Variants in PDE1C observed in about 807,000 individuals in gnomAD.
PDE1C encodes the protein dual specificity calcium/calmodulin-dependent 3',5'-cyclic nucleotide phosphodiesterase 1C.
A neutral mutation model predicts 93.1 loss-of-function variants in PDE1C; 62 were observed. The observed-to-expected ratio is 0.67, with a 90% CI of 0.54 to 0.82. PDE1C has a LOEUF of 0.82. Among genes scored for constraint, PDE1C ranks in the 40% least tolerant of loss-of-function variants. The pLI is 0.00. For missense variants in PDE1C, 742 were observed against 884.6 expected, an observed-to-expected ratio of 0.84 and a Z score of 2.04; for synonymous variants, 325 against 310.1, an observed-to-expected ratio of 1.05 and a Z score of -0.50.
At chr7:31,881,790 T>C (rs1186629721) in intron 2 of PDE1C, among the ~76,000 whole-genome samples, 2 of 152,176 alleles carry the variant, frequency 1.3e-5, no homozygotes, top group African/African-American at 4.8e-5. Context: ...ATTTCTAAAG[T>C]TGACCTAAAG....
intron 2 of PDE1C, among the ~76,000 whole-genome samples, chr7:31,998,719 A>G (rs926835362): frequency 6.6e-6 from 1 of 152,232 alleles, no homozygotes; most frequent in South Asian, 2.1e-4. Context: ...TCATTAACAC[A>G]AAAATTCTAA....
chr7:31,663,400 AG>A, the PDE1C span, among the ~76,000 whole-genome samples: 3 of 152,206 alleles, frequency 2.0e-5, no homozygotes, highest in African/African-American at 7.2e-5. Context: ...TCTGCTTTCC[AG>A]GGGCTCCTTT....
At chr7:32,124,708 G>A (rs1004595413) in intron 3 of PDE1C, among the ~76,000 whole-genome samples, 5 of 152,068 alleles carry the variant, frequency 3.3e-5, no homozygotes, top group South Asian at 2.1e-4. Flanking sequence ...TCCTTACACC[G>A]TATTCAAAAA....
intron 2 of PDE1C, among the ~76,000 whole-genome samples, chr7:31,967,814 C>T (rs1213697923): frequency 2.0e-5 from 3 of 152,162 alleles, no homozygotes; most frequent in Non-Finnish European, 4.4e-5. Context: ...ATACGCAAAT[C>T]AATAAACGTA....
chr7:32,184,006 T>C (rs1803653180), intron 2 of PDE1C, among the ~76,000 whole-genome samples: 1 of 152,178 alleles, frequency 6.6e-6, no homozygotes, highest in Admixed American at 6.5e-5. Context: ...CAGACACTTC[T>C]CAATAGAAGA....
intron 2 of PDE1C, among the ~76,000 whole-genome samples, chr7:31,930,539 C>T (rs1440925635): frequency 6.6e-6 from 1 of 152,036 alleles, no homozygotes; most frequent in Admixed American, 6.6e-5. Flanking sequence ...AAACCAGCAG[C>T]ATATCAAAAA....
At chr7:31,697,107 C>G in the PDE1C span, 1 of 1,613,852 alleles carries the variant, frequency 6.2e-7, no homozygotes, top group Non-Finnish European at 8.5e-7. Context: ...ACATGTCCCC[C>G]TTTGCAGCAG....
intron 7 of PDE1C, among the ~76,000 whole-genome samples, chr7:31,851,759 G>C (rs188078252): frequency 6.6e-6 from 1 of 152,306 alleles, no homozygotes; most frequent in Admixed American, 6.5e-5. Context: ...CACAAAATTG[G>C]AGTTGTTATT....
In PDE1C at chr7:32,113,314, A is replaced by G. The variant is rs1471164622; in HGVS notation, c.308+56471T>C. On this transcript the variant is annotated intron_variant, in intron 3 of 18. Coordinates refer to the PDE1C transcript ENST00000396193. Reference sequence around the variant, plus strand: ...ATATATATTTATTATGTTTACATATATAAATATTATATATATATATCTATC... The same window carrying G: ...ATATATATTTATTATGTTTACATATGTAAATATTATATATATATATCTATC... 5.0e-5 allele frequency among the ~76,000 whole-genome samples: 7 copies of G among 140,278 alleles called. No individual in the cohort carries two copies. The Admixed American group carries it at 5.1e-4, about 10-fold the overall frequency. 92.0% of individuals were successfully genotyped at this position (140,278 alleles called of 152,430 possible).
chr7:32,044,083 T>TA (rs993527638), intron 2 of PDE1C, among the ~76,000 whole-genome samples: 5 of 152,108 alleles, frequency 3.3e-5, no homozygotes, highest in Non-Finnish European at 5.9e-5. Flanking sequence ...ATTCCCCACT[T>TA]AAAAAAATCA....
At chr7:31,828,734 G>A (rs946272413) in intron 11 of PDE1C, among the ~76,000 whole-genome samples, 4 of 152,096 alleles carry the variant, frequency 2.6e-5, no homozygotes, top group Non-Finnish European at 4.4e-5. Flanking sequence ...TCAACCTGTG[G>A]CCATTGTTTA....
At chr7:31,698,153 T>C in the PDE1C span, among the ~76,000 whole-genome samples, 2 of 152,202 alleles carry the variant, frequency 1.3e-5, no homozygotes, top group African/African-American at 2.4e-5. Flanking sequence ...GGGGAGAAGA[T>C]AAAATTTGGC....
intron 2 of PDE1C, 117 bp from the exon 3 acceptor site, chr7:31,880,977 A>G: frequency 1.4e-6 from 1 of 691,958 alleles, no homozygotes. Context: ...ATACATCTGA[A>G]AGGAAAATAA....
At chr7:32,425,399 T>C (rs1194942382) in intron 1 of PDE1C, among the ~76,000 whole-genome samples, 1 of 152,094 alleles carries the variant, frequency 6.6e-6, no homozygotes, top group Non-Finnish European at 1.5e-5. Context: ...GATCAAAATA[T>C]AGAAATTGAA....
At chr7:32,024,695 C>T (rs538676623) in intron 2 of PDE1C, among the ~76,000 whole-genome samples, 179 of 152,180 alleles carry the variant, frequency 1.2e-3, no homozygotes, top group Middle Eastern at 6.8e-3. Context: ...ATCACTGAAC[C>T]ACTGACACAC....
intron 1 of PDE1C, among the ~76,000 whole-genome samples, chr7:32,243,906 A>C (rs1312303614): frequency 2.6e-5 from 4 of 152,202 alleles, no homozygotes; most frequent in Non-Finnish European, 4.4e-5. Flanking sequence ...CTGTAGAAAG[A>C]ATGAAGCACA....
intron 1 of PDE1C, among the ~76,000 whole-genome samples, chr7:32,413,659 T>C (rs983508806): frequency 5.3e-5 from 8 of 152,176 alleles, no homozygotes; most frequent in African/African-American, 1.9e-4. Flanking sequence ...TTGGAGATGG[T>C]TGTACAACAG....
intron 3 of PDE1C, among the ~76,000 whole-genome samples, chr7:32,134,931 A>C (rs527264020): frequency 6.6e-6 from 1 of 152,278 alleles, no homozygotes; most frequent in African/African-American, 2.4e-5. Context: ...GTAATAAATA[A>C]ATAAATAAAT....
intron 2 of PDE1C, among the ~76,000 whole-genome samples, chr7:32,196,360 A>G (rs1804618517): frequency 6.6e-6 from 1 of 152,110 alleles, no homozygotes; most frequent in South Asian, 2.1e-4. Flanking sequence ...CCTTAGGTAG[A>G]GAGTAGAGTT....
Sources: gnomAD v4.1 joint callset for allele counts (sites outside exome capture counted in the v4.1 genomes callset) on GRCh38, gnomAD v4.1.1 for gene constraint, MANE v1.5 for transcripts, NCBI Gene and HGNC (gene_info 2026-07-23, HGNC 2026-07-21) for gene names.